TENM4: variants seen among roughly 807,000 people sequenced by gnomAD.
The protein encoded by TENM4 is teneurin-4.
Under a neutral mutation model 243.3 loss-of-function variants are expected in TENM4, and 82 were observed. The observed-to-expected ratio is 0.34, with a 90% CI of 0.28 to 0.40. TENM4 has a LOEUF of 0.40. Ranked by LOEUF, TENM4 falls within the 10% of genes least tolerant of loss-of-function variation. TENM4 has a pLI of 1.00. For synonymous variants in TENM4, 1,412 were observed against 1,456.3 expected (o/e 0.97, Z 0.69); for missense variants, 3,138 against 3,673.3 (o/e 0.85, Z 3.77).
At chr11:78,973,781 A>G (rs2136588742) in intron 6 of TENM4, among the ~76,000 whole-genome samples, 1 of 151,744 alleles carries the variant, frequency 6.6e-6, no homozygotes, top group South Asian at 2.1e-4. Flanking sequence ...GGCAAAAACC[A>G]TAATTACTTT....
chr11:78,859,023 G>C (rs763527452), intron 10 of TENM4, among the ~76,000 whole-genome samples: 12 of 152,104 alleles, frequency 7.9e-5, no homozygotes, highest in Non-Finnish European at 1.5e-4. Context: ...GGCTTCTGAA[G>C]GGATCAAATT....
At chr11:78,919,526 T>C (rs1486251646) in intron 6 of TENM4, among the ~76,000 whole-genome samples, 2 of 152,168 alleles carry the variant, frequency 1.3e-5, no homozygotes, top group African/African-American at 4.8e-5. Context: ...TCTGGAGCTA[T>C]AGAAAAAGTG....
chr11:78,857,333 C>T (rs1391695884), intron 10 of TENM4, among the ~76,000 whole-genome samples: 3 of 152,144 alleles, frequency 2.0e-5, no homozygotes, highest in African/African-American at 7.2e-5. Context: ...AGAAAACACA[C>T]TTTGGAACTT....
chr11:78,818,787 T>C (rs867074580), intron 12 of TENM4, among the ~76,000 whole-genome samples: 53 of 152,294 alleles, frequency 3.5e-4, no homozygotes, highest in Middle Eastern at 3.4e-3. Flanking sequence ...GCTTTGCTCA[T>C]GTTCACACTG....
At chr11:79,290,842 T>C (rs924272822) in intron 2 of TENM4, among the ~76,000 whole-genome samples, 16 of 152,102 alleles carry the variant, frequency 1.1e-4, no homozygotes, top group Non-Finnish European at 1.6e-4. Flanking sequence ...AATGGGAGAA[T>C]GAATGCAAAG....
chr11:78,988,831 T>C (rs925309701), intron 6 of TENM4, among the ~76,000 whole-genome samples: 2 of 152,208 alleles, frequency 1.3e-5, no homozygotes, highest in African/African-American at 4.8e-5. Flanking sequence ...TGTGCCACCA[T>C]ACCCGGCTAA....
intron 9 of TENM4, among the ~76,000 whole-genome samples, chr11:78,864,003 G>A (rs1487941236): frequency 6.6e-6 from 1 of 152,098 alleles, no homozygotes; most frequent in Non-Finnish European, 1.5e-5. Context: ...CCATTAACAA[G>A]AATAAAGAGG....
chr11:78,854,597 C>T (rs551287504), intron 11 of TENM4, among the ~76,000 whole-genome samples: 2 of 152,126 alleles, frequency 1.3e-5, no homozygotes, highest in South Asian at 4.2e-4. Flanking sequence ...GGTGAATCTT[C>T]CCCTGGCTGA....
At chr11:79,431,062 A>T (rs1859157994) in intron 1 of TENM4, among the ~76,000 whole-genome samples, 1 of 152,200 alleles carries the variant, frequency 6.6e-6, no homozygotes, top group Non-Finnish European at 1.5e-5. Flanking sequence ...AATAAATTAA[A>T]TAAATAAATA....
chr11:78,781,280 A>G lies in TENM4; in HGVS notation c.2366-2652T>C, dbSNP rs138961231. Among the ~76,000 whole-genome samples, 18 of 152,330 alleles carry G rather than the reference A, an allele frequency of 1.2e-4. No individual in the cohort carries two copies. In the East Asian group the frequency reaches 3.5e-3, roughly 29 times the overall value. ...TGAAAGGTGGATTCAGGACTTCATC[A>G]ATTCCTGCATCTTTCTCTTCAGAAC... On this transcript the variant is annotated intron_variant, in intron 16 of 33. Transcript: ENST00000278550.
At chr11:78,957,380 C>G (rs1175596138) in intron 6 of TENM4, among the ~76,000 whole-genome samples, 3 of 152,200 alleles carry the variant, frequency 2.0e-5, no homozygotes, top group Non-Finnish European at 4.4e-5. Context: ...CTCACTGGAC[C>G]TTCCTTTCAA....
intron 1 of TENM4, among the ~76,000 whole-genome samples, chr11:79,407,647 A>T (rs997259197): frequency 6.6e-6 from 1 of 152,378 alleles, no homozygotes; most frequent in Middle Eastern, 3.4e-3. Context: ...GAAGAAAAAT[A>T]TACATTTGTT....
At position 79,210,132 on chromosome 11, in the gene TENM4, C is replaced by G. The variant is rs536020353; in HGVS notation, c.-163+5676G>C. ...ATATTTACATAGGAAGTACGGTGTCCTCTTTAGGATTATTTCTTCAGTCTG... is the reference window on the plus strand; with the variant it reads ...ATATTTACATAGGAAGTACGGTGTCGTCTTTAGGATTATTTCTTCAGTCTG... On this transcript the variant is annotated intron_variant, in intron 3 of 33. Coordinates refer to ENST00000278550, the MANE Select transcript of TENM4 (RefSeq NM_001098816.3). Among the ~76,000 whole-genome samples the G allele has an allele frequency of 2.7e-4, 41 of 152,252 alleles. No individual in the cohort carries two copies. The South Asian group carries it at 8.1e-3, about 30-fold the overall frequency.
chr11:79,163,602 T>C (rs991275781), intron 3 of TENM4, among the ~76,000 whole-genome samples: 1 of 151,880 alleles, frequency 6.6e-6, no homozygotes, highest in African/African-American at 2.4e-5. Flanking sequence ...CTTTGCGCCC[T>C]CATAGCTTAG....
intron 6 of TENM4, among the ~76,000 whole-genome samples, chr11:79,054,796 T>C (rs1859899082): frequency 6.6e-6 from 1 of 152,088 alleles, no homozygotes; most frequent in African/African-American, 2.4e-5. Context: ...TAATAATAAA[T>C]ATATTTTACA....
rs750180695 is a variant in TENM4 at position 78,732,525 on chromosome 11, C to A, written c.2929G>T (p.Ala977Ser). ...GTGTGCTCCTGTGTGATGAAAGGTG[C>A]CCGCTCGAACCGCAGGATGATGGAG... Reference protein sequence around the residue: ...GISIILRFERAPFITQEHTLW... With the variant: ...GISIILRFERSPFITQEHTLW... Residue 977 changes from alanine (A) to serine (S), a missense_variant, in exon 21 of 34, where the codon GCA becomes TCA. Physicochemically the swap from Ala to Ser is moderately conservative, Grantham distance 99. Coordinates refer to ENST00000278550, the MANE Select transcript of TENM4 (RefSeq NM_001098816.3). 1.2e-6 allele frequency: 2 copies of A among 1,612,602 alleles called. No homozygotes were observed. The highest frequency in any genetic ancestry group is 2.7e-5 in the African/African-American group (2 of 74,862).
In TENM4 at chr11:78,756,872, G is replaced by A. The variant is rs765696833; in HGVS notation, c.2689C>T (p.Arg897Cys). 24 of 1,613,786 alleles carry A rather than the reference G, an allele frequency of 1.5e-5. No individual in the cohort carries two copies. The highest frequency in any genetic ancestry group is 6.7e-5 in the African/African-American group (5 of 74,898). ...TCCCTGCCCACGAGGAACTTGATGC[G>A]GTCATAGAAGGAGTGTAGGTTCTGC... ...SQQNLHSFYD[R>C]IKFLVGRDST... The change falls in exon 19 of 34, where the codon CGC (arginine) becomes TGC (cysteine). Residue 897 changes from arginine (R) to cysteine (C), a missense_variant. Coordinates refer to ENST00000278550, the MANE Select transcript of TENM4 (RefSeq NM_001098816.3).
intron 6 of TENM4, among the ~76,000 whole-genome samples, chr11:79,034,809 C>T (rs772305888): frequency 3.3e-5 from 5 of 152,016 alleles, no homozygotes; most frequent in South Asian, 2.1e-4. Context: ...ACATGGTGAG[C>T]GAAGGGTCTC....
rs75905325 is a variant in TENM4 at position 78,724,529 on chromosome 11, T to C, written c.3550+1550A>G. ...CTATATATTGAGCCAATTTTCCCAA[T>C]ACTAAGTTCTAAAACACCCATCCAT... is the stretch of plus-strand genomic sequence containing the variant. On this transcript the variant is annotated intron_variant, in intron 23 of 33. Coordinates refer to ENST00000278550, the MANE Select transcript of TENM4 (RefSeq NM_001098816.3). 2.2e-4 allele frequency among the ~76,000 whole-genome samples: 34 copies of C among 152,368 alleles called. No individual in the cohort carries two copies. The East Asian group carries it at 5.6e-3, about 25-fold the overall frequency.
Sources: allele counts gnomAD v4.1 joint callset (sites outside exome capture counted in the v4.1 genomes callset), GRCh38; gene constraint gnomAD v4.1.1; transcripts MANE v1.5; gene names NCBI Gene and HGNC (gene_info 2026-07-23, HGNC 2026-07-21).